Variants in TNR observed in about 807,000 individuals in gnomAD.
TNR encodes tenascin-R.
A neutral mutation model predicts 150.4 loss-of-function variants in TNR; 45 were observed. The ratio of observed to expected loss-of-function variants is 0.30; its 90% confidence interval spans 0.24 to 0.38. The LOEUF (loss-of-function observed/expected upper bound fraction) is 0.38, where lower values mean the gene tolerates loss of function less well. Ranked by LOEUF, TNR falls within the 10% of genes least tolerant of loss-of-function variation. The pLI is 1.00. For synonymous variants in TNR, 687 were observed against 678.4 expected (o/e 1.01, Z -0.20); for missense variants, 1,544 against 1,759.1 (o/e 0.88, Z 2.19).
At chr1:175,564,408 C>T (rs371963005) in intron 1 of TNR, among the ~76,000 whole-genome samples, 7 of 152,320 alleles carry the variant, frequency 4.6e-5, no homozygotes, top group South Asian at 2.1e-4. Flanking sequence ...AGAAATCCCT[C>T]GTCAAGAGCC....
intron 1 of TNR, among the ~76,000 whole-genome samples, chr1:175,645,818 G>A (rs1221729889): frequency 6.6e-6 from 1 of 152,178 alleles, no homozygotes; most frequent in African/African-American, 2.4e-5. Context: ...CTAAGCTTTT[G>A]TCTGAAACTA....
intron 1 of TNR, among the ~76,000 whole-genome samples, chr1:175,615,673 C>T (rs957424391): frequency 2.0e-5 from 3 of 152,222 alleles, no homozygotes; most frequent in Non-Finnish European, 4.4e-5. Flanking sequence ...CCTCCTGCTT[C>T]AGGAATTAGA....
At chr1:175,331,037 C>CTTTCTTTCTTTCTTTCTTTCT (rs1649759120) in intron 20 of TNR, among the ~76,000 whole-genome samples, 5 of 72,476 alleles carry the variant, frequency 6.9e-5, no homozygotes, top group African/African-American at 2.3e-4. Context: ...TTCTTTCTTT[C>CTTTCTTTCTTTCTTTCTTTCT]TTTCTTTCTT....
At chr1:175,409,061 A>G (rs544279219) in intron 2 of TNR, among the ~76,000 whole-genome samples, 131 of 152,302 alleles carry the variant, frequency 8.6e-4, no homozygotes, top group Non-Finnish European at 8.2e-4. Flanking sequence ...GCCGCCTCTC[A>G]TCCAAAGCTC....
At position 175,442,469 on chromosome 1, in the gene TNR, C is replaced by T. The variant is rs535878898; in HGVS notation, c.-63-35692G>A. Among the ~76,000 whole-genome samples the T allele has an allele frequency of 2.4e-4, 35 of 148,924 alleles. 2 individuals carry two copies. The highest frequency in any genetic ancestry group is 9.1e-4 in the African/African-American group (35 of 38,380). On this transcript the variant is annotated intron_variant, in intron 2 of 22. Coordinates refer to ENST00000367674, the MANE Select transcript of TNR (RefSeq NM_003285.3). Reference sequence around the variant, plus strand: ...AGCATTTATGTTCAATCCTAGGGCTCTGAAATTATATTGACTGGATTATTG... The same window carrying T: ...AGCATTTATGTTCAATCCTAGGGCTTTGAAATTATATTGACTGGATTATTG...
At chr1:175,372,216 ACT>A (rs1239374834) in intron 9 of TNR, among the ~76,000 whole-genome samples, 7 of 152,050 alleles carry the variant, frequency 4.6e-5, no homozygotes, top group Non-Finnish European at 8.8e-5. Context: ...TTTCCTGTAC[ACT>A]CTGCAGAACT....
At chr1:175,554,109 T>G (rs754481695) in intron 1 of TNR, among the ~76,000 whole-genome samples, 6 of 152,182 alleles carry the variant, frequency 3.9e-5, no homozygotes, top group Non-Finnish European at 7.3e-5. Flanking sequence ...AAAGGCCCGC[T>G]GCATATATTC....
At chr1:175,414,002 G>T (rs1654326019) in intron 2 of TNR, among the ~76,000 whole-genome samples, 1 of 152,126 alleles carries the variant, frequency 6.6e-6, no homozygotes. Context: ...GCATGGTGGT[G>T]TGTGTCTGTA....
intron 1 of TNR, among the ~76,000 whole-genome samples, chr1:175,621,527 T>C (rs1663977056): frequency 6.6e-6 from 1 of 152,188 alleles, no homozygotes; most frequent in African/African-American, 2.4e-5. Flanking sequence ...ATACTCCACT[T>C]TCCTGTGCCT....
intron 2 of TNR, among the ~76,000 whole-genome samples, chr1:175,440,286 A>G (rs1045235029): frequency 1.3e-5 from 2 of 151,692 alleles, no homozygotes; most frequent in African/African-American, 4.8e-5. Flanking sequence ...CAAAAAACCA[A>G]ACACCGCATG....
In TNR at chr1:175,393,454, G is replaced by C. The variant is rs531864336; in HGVS notation, c.1356+326C>G. On this transcript the variant is annotated intron_variant, in intron 6 of 22. Transcript: ENST00000367674. ...CTAAAGAGAAGCCTCAATTTTTTCA[G>C]GGTCTGGTTTTCATGCTCACCAAAA... 3.9e-5 allele frequency among the ~76,000 whole-genome samples: 6 copies of C among 152,266 alleles called. 1 individual carries two copies. The South Asian group carries it at 1.2e-3, about 32-fold the overall frequency.
intron 1 of TNR, among the ~76,000 whole-genome samples, chr1:175,638,335 C>T (rs761026792): frequency 6.6e-6 from 1 of 152,206 alleles, no homozygotes; most frequent in African/African-American, 2.4e-5. Flanking sequence ...GTACAAGGTC[C>T]TCCTCCTCAG....
At chr1:175,406,869 G>T in intron 2 of TNR, 92 bp from the exon 3 acceptor site, 1 of 931,626 alleles carries the variant, frequency 1.1e-6, no homozygotes, top group Non-Finnish European at 1.5e-6. Context: ...GGAGTAGGCA[G>T]CCAGAGATTT....
intron 1 of TNR, among the ~76,000 whole-genome samples, chr1:175,614,144 T>C (rs1663689915): frequency 6.6e-6 from 1 of 152,240 alleles, no homozygotes; most frequent in Non-Finnish European, 1.5e-5. Flanking sequence ...TATGTGTTAA[T>C]ATTTAATTTT....
At chr1:175,448,018 G>A (rs937330160) in intron 2 of TNR, among the ~76,000 whole-genome samples, 2 of 152,058 alleles carry the variant, frequency 1.3e-5, no homozygotes, top group African/African-American at 4.8e-5. Flanking sequence ...TTTCCACTAG[G>A]AAAAGAAAAT....
chr1:175,449,049 G>T (rs906511544), intron 2 of TNR, among the ~76,000 whole-genome samples: 16 of 152,162 alleles, frequency 1.1e-4, no homozygotes, highest in African/African-American at 3.9e-4. Context: ...ATTGCCACCT[G>T]CGGACACATT....
At chr1:175,471,519 G>A (rs1657290484) in intron 2 of TNR, among the ~76,000 whole-genome samples, 1 of 152,176 alleles carries the variant, frequency 6.6e-6, no homozygotes, top group African/African-American at 2.4e-5. Flanking sequence ...ATTGTAACAT[G>A]ATGGTAAATA....
At chr1:175,389,286 A>C (rs1479346617) in intron 7 of TNR, among the ~76,000 whole-genome samples, 1 of 152,228 alleles carries the variant, frequency 6.6e-6, no homozygotes, top group Non-Finnish European at 1.5e-5. Flanking sequence ...AGTGATTCAC[A>C]GAAATCAGAA....
At chr1:175,325,296 T>C (rs1006742457) in intron 21 of TNR, among the ~76,000 whole-genome samples, 14 of 152,094 alleles carry the variant, frequency 9.2e-5, no homozygotes, top group African/African-American at 3.1e-4. Context: ...GTCAGAGAAA[T>C]GCAAATCAAA....
Sources: gnomAD v4.1 joint callset for allele counts (sites outside exome capture counted in the v4.1 genomes callset) on GRCh38, gnomAD v4.1.1 for gene constraint, MANE v1.5 for transcripts, NCBI Gene and HGNC (gene_info 2026-07-23, HGNC 2026-07-21) for gene names.